DPYD: variants seen among roughly 807,000 people sequenced by gnomAD.
DPYD encodes the protein dihydropyrimidine dehydrogenase.
In DPYD, 109 loss-of-function variants were observed where a neutral mutation model predicts 116.2. The ratio of observed to expected loss-of-function variants is 0.94; its 90% CI spans 0.80 to 1.10. The LOEUF is 1.10. Ranked by LOEUF, DPYD falls within the 50% of genes least tolerant of loss-of-function variation. The pLI is 0.00. For missense variants in DPYD, 1,302 were observed against 1,254.5 expected (o/e 1.04, Z -0.57); for synonymous variants, 440 against 432.0 (o/e 1.02, Z -0.23).
intron 20 of DPYD, among the ~76,000 whole-genome samples, chr1:97,188,908 A>C (rs1299811898): frequency 1.3e-5 from 2 of 152,110 alleles, no homozygotes; most frequent in African/African-American, 4.8e-5. Context: ...TTTCCATGTT[A>C]TTTTTACCAA....
intron 14 of DPYD, among the ~76,000 whole-genome samples, chr1:97,413,126 G>C (rs1674100834): frequency 2.0e-5 from 3 of 152,112 alleles, no homozygotes; most frequent in Admixed American, 2.0e-4. Flanking sequence ...AAGTATGAAA[G>C]CAAAACAAAA....
At chr1:97,897,179 T>C (rs946162265) in intron 1 of DPYD, among the ~76,000 whole-genome samples, 3 of 151,904 alleles carry the variant, frequency 2.0e-5, no homozygotes, top group African/African-American at 7.2e-5. Context: ...CACTGGATAA[T>C]AGAATTCTAC....
intron 8 of DPYD, among the ~76,000 whole-genome samples, chr1:97,676,646 C>G (rs935217887): frequency 6.6e-6 from 1 of 152,034 alleles, no homozygotes; most frequent in Admixed American, 6.6e-5. Flanking sequence ...TGTTTAATTA[C>G]AATATGGAAG....
intron 16 of DPYD, among the ~76,000 whole-genome samples, chr1:97,322,129 A>C (rs1668321953): frequency 7.2e-6 from 1 of 139,350 alleles, no homozygotes; most frequent in Non-Finnish European, 1.6e-5. Context: ...GATATACCTA[A>C]TGCTAGATGA....
At chr1:97,527,528 T>C (rs1417854706) in intron 12 of DPYD, among the ~76,000 whole-genome samples, 2 of 152,188 alleles carry the variant, frequency 1.3e-5, no homozygotes, top group African/African-American at 4.8e-5. Context: ...ATAAAAACCA[T>C]ACCCTATTCA....
rs1046035700 is a variant in DPYD at position 97,383,481 on chromosome 1, A to AAAAAAAAG, written c.1906-1028_1906-1021dup. On this transcript the variant is annotated intron_variant, in intron 14 of 22. Coordinates refer to ENST00000370192, the MANE Select transcript of DPYD (RefSeq NM_000110.4). The stretch of plus-strand genomic sequence containing the variant: ...ACAGAGCGAGACTCTGTCTCAAAAA[A>AAAAAAAAG]AAAAAAAGAAAAAAAGAAAAAAAGA... 2.0e-3 allele frequency among the ~76,000 whole-genome samples: 291 copies of AAAAAAAAG among 149,034 alleles called. 3 individuals carry two copies. The highest frequency in any genetic ancestry group is 7.0e-3 in the Middle Eastern group (2 of 284).
intron 15 of DPYD, 75 bp downstream of exon 15, chr1:97,382,318 T>A (rs72728438): frequency 2.4e-6 from 2 of 837,740 alleles, no homozygotes; most frequent in East Asian, 5.7e-5. Flanking sequence ...TTATTTCTCA[T>A]GGCAGCTCTT....
At chr1:97,907,614 C>G (rs953855637) in intron 1 of DPYD, among the ~76,000 whole-genome samples, 1 of 152,078 alleles carries the variant, frequency 6.6e-6, no homozygotes, top group Admixed American at 6.6e-5. Flanking sequence ...TTAATAAATA[C>G]TGTCTCTTAC....
At chr1:97,398,028 T>C (rs1355986944) in intron 14 of DPYD, among the ~76,000 whole-genome samples, 1 of 152,046 alleles carries the variant, frequency 6.6e-6, no homozygotes, top group Non-Finnish European at 1.5e-5. Flanking sequence ...CATGTGTCCA[T>C]GTTGGTGTGT....
chr1:97,361,720 T>C (rs1271527413), intron 16 of DPYD, among the ~76,000 whole-genome samples: 1 of 152,206 alleles, frequency 6.6e-6, no homozygotes, highest in African/African-American at 2.4e-5. Context: ...ATTATCTCAA[T>C]AGATGCATAA....
chr1:97,321,974 T>G (rs1668305789), intron 16 of DPYD, among the ~76,000 whole-genome samples: 1 of 64,226 alleles, frequency 1.6e-5, no homozygotes, highest in Non-Finnish European at 3.1e-5. Flanking sequence ...CTCAGTAAAC[T>G]ATCGCAAGAA....
intron 12 of DPYD, chr1:97,545,903 C>T (rs1464972711): frequency 2.8e-6 from 3 of 1,074,950 alleles, no homozygotes; most frequent in African/African-American, 3.1e-5. Context: ...AAAATTTAAA[C>T]TATCCAGGAT....
intron 3 of DPYD, among the ~76,000 whole-genome samples, chr1:97,775,942 A>T (rs1666380929): frequency 1.3e-5 from 2 of 151,938 alleles, no homozygotes; most frequent in African/African-American, 4.8e-5. Context: ...TTTTCTGTTA[A>T]TTTTTTCATT....
intron 3 of DPYD, 35 bp downstream of exon 3, chr1:97,828,079 C>T (rs1192918757): frequency 3.2e-6 from 5 of 1,586,646 alleles, no homozygotes; most frequent in Non-Finnish European, 4.3e-6. Flanking sequence ...TTCTTTACCA[C>T]ATCTGTGACT....
intron 12 of DPYD, among the ~76,000 whole-genome samples, chr1:97,533,154 C>T (rs753383417): frequency 6.6e-6 from 1 of 151,834 alleles, no homozygotes; most frequent in Non-Finnish European, 1.5e-5. Flanking sequence ...CCCCACCATG[C>T]CGCACCTCCA....
At chr1:97,289,521 G>C (rs1043106578) in intron 18 of DPYD, among the ~76,000 whole-genome samples, 2 of 151,454 alleles carry the variant, frequency 1.3e-5, no homozygotes, top group Non-Finnish European at 3.0e-5. Flanking sequence ...TGGGATGCAA[G>C]GCTGGTTCAA....
chr1:97,528,073 C>A (rs1216668153), intron 12 of DPYD, among the ~76,000 whole-genome samples: 1 of 152,120 alleles, frequency 6.6e-6, no homozygotes. Flanking sequence ...TAGATTAATT[C>A]ACAGACTGGA....
At chr1:97,703,152 T>C (rs891382159) in intron 5 of DPYD, among the ~76,000 whole-genome samples, 2 of 152,036 alleles carry the variant, frequency 1.3e-5, no homozygotes, top group African/African-American at 4.8e-5. Flanking sequence ...CTTTACAACT[T>C]TTTATTGCAC....
At chr1:97,771,537 T>C (rs1428706705) in intron 3 of DPYD, among the ~76,000 whole-genome samples, 1 of 152,220 alleles carries the variant, frequency 6.6e-6, no homozygotes, top group Non-Finnish European at 1.5e-5. Flanking sequence ...GCAGTATATC[T>C]TATTTAAAAG....
Sources: allele counts gnomAD v4.1 joint callset (sites outside exome capture counted in the v4.1 genomes callset), GRCh38; gene constraint gnomAD v4.1.1; transcripts MANE v1.5; gene names NCBI Gene and HGNC (gene_info 2026-07-23, HGNC 2026-07-21).